Variants in OTOGL observed in about 807,000 individuals in gnomAD.
OTOGL encodes the protein otogelin like.
A neutral mutation model predicts 318.5 loss-of-function variants in OTOGL; 285 were observed. The observed-to-expected ratio is 0.89, with a 90% confidence interval of 0.81 to 0.99. The LOEUF (loss-of-function observed/expected upper bound fraction) is 0.99, where lower values mean the gene tolerates loss of function less well. Among genes scored for constraint, OTOGL ranks in the 50% least tolerant of loss-of-function variants. The probability of loss-of-function intolerance (pLI) is 0.00; values close to 1 mark genes in which losing one functional copy is unlikely to be tolerated. For missense variants in OTOGL, 2,899 were observed against 2,845.6 expected, an observed-to-expected ratio of 1.02 and a Z score of -0.43; for synonymous variants, 987 against 936.5, an observed-to-expected ratio of 1.05 and a Z score of -0.99.
chr12:80,143,716 T>TA (rs1468437606), intron 1 of OTOGL, among the ~76,000 whole-genome samples: 1 of 152,116 alleles, frequency 6.6e-6, no homozygotes, highest in Non-Finnish European at 1.5e-5. Flanking sequence ...TCACATTTGA[T>TA]AGAGTGTGTT....
intron 44 of OTOGL, among the ~76,000 whole-genome samples, chr12:80,348,031 A>C (rs1889310189): frequency 6.6e-6 from 1 of 152,168 alleles, no homozygotes; most frequent in South Asian, 2.1e-4. Flanking sequence ...GCCCTTTGTC[A>C]GATGGATAGA....
chr12:80,144,955 A>G (rs1200186651), intron 1 of OTOGL, among the ~76,000 whole-genome samples: 1 of 151,344 alleles, frequency 6.6e-6, no homozygotes, highest in Non-Finnish European at 1.5e-5. Context: ...TCTGGATATT[A>G]GCCCTTTGTC....
chr12:80,325,678 C>T (rs1887634625), intron 35 of OTOGL, among the ~76,000 whole-genome samples: 1 of 152,162 alleles, frequency 6.6e-6, no homozygotes, highest in Non-Finnish European at 1.5e-5. Flanking sequence ...TGAGCTTCTC[C>T]CACTCACAAA....
intron 31 of OTOGL, among the ~76,000 whole-genome samples, 154 bp downstream of exon 31, chr12:80,313,786 A>G (rs1373610123): frequency 6.6e-6 from 1 of 152,190 alleles, no homozygotes; most frequent in Admixed American, 6.5e-5. Flanking sequence ...ATCATAAATT[A>G]TAGAATACCG....
Position 80,358,323 on chromosome 12 carries a change from A to T in OTOGL, c.6095A>T (p.His2032Leu). ...EFLTVDLNST[H>L]FCCPQYYCVC... ...CTCACAGTAGATCTTAATAGCACAC[A>T]CTTCTGTTGTCCTCAGTATTACTGT... The change falls in exon 50 of 59, where the codon CAC becomes CTC. Residue 2032 changes from histidine (H) to leucine (L), a missense_variant. His to Leu is a moderately conservative substitution (Grantham distance 99). Transcript: ENST00000547103. The T allele has an allele frequency of 1.2e-6, 2 of 1,605,164 alleles. No individual in the cohort carries two copies. The highest frequency in any genetic ancestry group is 1.7e-6 in the Non-Finnish European group (2 of 1,173,080).
In OTOGL at chr12:80,372,013, T is replaced by G. The variant is rs772311505; in HGVS notation, c.6736-6T>G. 6.5e-7 allele frequency: 1 copy of G among 1,533,550 alleles called. No homozygotes were observed. Among genetic ancestry groups the G allele is most frequent in the Non-Finnish European group, 8.8e-7 (1 of 1,133,786 alleles). 95.0% of individuals were successfully genotyped at this position (1,533,550 alleles called of 1,614,324 possible). ...CTTTGACTTTATTGCTTTTTTCTCT[T>G]TCTAGAATGAAGGGATTGTGAAGCT... On this transcript the variant is annotated splice_region_variant and splice_polypyrimidine_tract_variant and intron_variant, in intron 56 of 58. Transcript: ENST00000547103.
intron 7 of OTOGL, among the ~76,000 whole-genome samples, chr12:80,223,269 A>T (rs74906621): frequency 6.6e-6 from 1 of 151,620 alleles, no homozygotes. Flanking sequence ...GTATGTATAT[A>T]TATGTATATA....
At chr12:80,222,045 C>T (rs188813382) in intron 6 of OTOGL, 46 bp from the exon 7 acceptor site, 95 of 1,529,826 alleles carry the variant, frequency 6.2e-5, no homozygotes, top group Middle Eastern at 1.7e-4. Context: ...TTGCTAGAAA[C>T]GTGTAATTTA....
intron 29 of OTOGL, among the ~76,000 whole-genome samples, chr12:80,309,202 C>T (rs1424905393): frequency 6.6e-6 from 1 of 152,066 alleles, no homozygotes; most frequent in Non-Finnish European, 1.5e-5. Flanking sequence ...GGATAAATCA[C>T]AGTCTTTGCC....
At chr12:80,360,359 T>TCTAACTCCCCCTCTCTCCCC (rs1313047293) in intron 52 of OTOGL, among the ~76,000 whole-genome samples, 13 of 146,612 alleles carry the variant, frequency 8.9e-5, no homozygotes, top group African/African-American at 3.0e-4. Flanking sequence ...CCTCTCTCCC[T>TCTAACTCCCCCTCTCTCCCC]CTCACTCCCC....
chr12:80,241,202 A>G (rs1880345323), intron 11 of OTOGL, among the ~76,000 whole-genome samples: 1 of 152,110 alleles, frequency 6.6e-6, no homozygotes, highest in African/African-American at 2.4e-5. Flanking sequence ...TATTACAAAA[A>G]TAACAAATGT....
intron 1 of OTOGL, among the ~76,000 whole-genome samples, chr12:80,101,686 A>T (rs77668458): frequency 0.028 from 4,214 of 151,984 alleles, 186 homozygotes; most frequent in African/African-American, 0.097. Flanking sequence ...AGTTTTTTTT[A>T]AAAAAATCCT....
chr12:80,299,678 TAA>T (rs201661489), intron 27 of OTOGL, among the ~76,000 whole-genome samples: 7,820 of 151,718 alleles, frequency 0.052, 285 homozygotes, highest in Middle Eastern at 0.15. Flanking sequence ...ATCAAATGTA[TAA>T]GATATAAATA....
chr12:80,239,618 T>C (rs1332896780), intron 11 of OTOGL, among the ~76,000 whole-genome samples, 179 bp downstream of exon 11: 1 of 152,168 alleles, frequency 6.6e-6, no homozygotes. Context: ...ATTTTTTTTA[T>C]TGATACATAG....
intron 1 of OTOGL, among the ~76,000 whole-genome samples, chr12:80,122,019 T>C (rs1565867730): frequency 6.6e-6 from 1 of 152,116 alleles, no homozygotes; most frequent in Non-Finnish European, 1.5e-5. Context: ...ATGGCCAATA[T>C]AAATAATTCA....
intron 1 of OTOGL, among the ~76,000 whole-genome samples, chr12:80,137,199 T>C (rs1015616865): frequency 6.6e-6 from 1 of 152,180 alleles, no homozygotes; most frequent in African/African-American, 2.4e-5. Context: ...AAGCTCTATG[T>C]GGTATTTATA....
chr12:80,208,337 G>A, intron 1 of OTOGL: 1 of 423,106 alleles, frequency 2.4e-6, no homozygotes, highest in Admixed American at 2.9e-5. Flanking sequence ...TAATAGAAAA[G>A]ACTCAGAAGT....
chr12:80,181,511 G>T (rs966951641), intron 1 of OTOGL, among the ~76,000 whole-genome samples: 1 of 152,036 alleles, frequency 6.6e-6, no homozygotes, highest in African/African-American at 2.4e-5. Context: ...GGGTCCTCCT[G>T]CATGGCAATG....
chr12:80,211,913 C>T (rs560099227), intron 3 of OTOGL, 36 bp from the exon 4 acceptor site: 379 of 1,515,944 alleles, frequency 2.5e-4, no homozygotes, highest in Non-Finnish European at 2.0e-5. Flanking sequence ...TGCCTAGGGG[C>T]CTTTGACTGT....
Sources: allele counts gnomAD v4.1 joint callset (sites outside exome capture counted in the v4.1 genomes callset), GRCh38; gene constraint gnomAD v4.1.1; transcripts MANE v1.5; gene names NCBI Gene and HGNC (gene_info 2026-07-23, HGNC 2026-07-21).